Variants in PPFIA2 observed in about 807,000 individuals in gnomAD.
PPFIA2 encodes PPFI scaffold protein A2, also known as liprin-alpha-2.
Under a neutral mutation model 175.5 loss-of-function variants are expected in PPFIA2, and 46 were observed. The ratio of observed to expected loss-of-function variants is 0.26; its 90% CI spans 0.21 to 0.34. The LOEUF (loss-of-function observed/expected upper bound fraction) is 0.34. Ranked by LOEUF, PPFIA2 falls within the 10% of genes least tolerant of loss-of-function variation. PPFIA2 has a pLI of 1.00. For missense variants in PPFIA2, 1,179 were observed against 1,506.1 expected, an observed-to-expected ratio of 0.78 and a Z score of 3.60; for synonymous variants, 568 against 511.4, an observed-to-expected ratio of 1.11 and a Z score of -1.49.
chr12:81,389,332 C>A (rs569649092), intron 8 of PPFIA2, among the ~76,000 whole-genome samples: 1 of 151,754 alleles, frequency 6.6e-6, no homozygotes, highest in South Asian at 2.1e-4. Context: ...AAGAAAATTG[C>A]ATACTTTTAA....
intron 4 of PPFIA2, among the ~76,000 whole-genome samples, chr12:81,486,911 T>C (rs1593797965): frequency 6.6e-6 from 1 of 151,910 alleles, no homozygotes; most frequent in African/African-American, 2.4e-5. Context: ...TGAAAACATA[T>C]GCCAATCAAC....
intron 28 of PPFIA2, among the ~76,000 whole-genome samples, chr12:81,276,868 A>T (rs551042742): frequency 1.3e-5 from 2 of 152,262 alleles, no homozygotes; most frequent in East Asian, 3.9e-4. Context: ...TCACCATATA[A>T]TTTCTTTAAC....
At chr12:81,631,857 T>G (rs1279368478) in intron 4 of PPFIA2, among the ~76,000 whole-genome samples, 2 of 152,218 alleles carry the variant, frequency 1.3e-5, no homozygotes, top group Non-Finnish European at 2.9e-5. Context: ...TAATGTGTGA[T>G]GTAGTGGCAT....
chr12:81,606,653 T>C (rs2060353593), intron 4 of PPFIA2, among the ~76,000 whole-genome samples: 1 of 152,162 alleles, frequency 6.6e-6, no homozygotes, highest in Non-Finnish European at 1.5e-5. Context: ...TGCCCATTTT[T>C]AATGAGGTTA....
chr12:81,416,915 C>T (rs1169297296), intron 7 of PPFIA2, among the ~76,000 whole-genome samples: 1 of 151,672 alleles, frequency 6.6e-6, no homozygotes, highest in African/African-American at 2.4e-5. Context: ...AAGCAGGAAA[C>T]ATGCTCTGTG....
chr12:81,610,809 C>CA (rs749725793), intron 4 of PPFIA2, among the ~76,000 whole-genome samples: 1 of 152,098 alleles, frequency 6.6e-6, no homozygotes, highest in Non-Finnish European at 1.5e-5. Flanking sequence ...TTTGAATTGT[C>CA]AAGAGTTCCG....
chr12:81,509,507 G>A (rs1469225025), intron 4 of PPFIA2, among the ~76,000 whole-genome samples: 2 of 151,998 alleles, frequency 1.3e-5, no homozygotes, highest in African/African-American at 2.4e-5. Flanking sequence ...TAGGGGCCTT[G>A]GTGCCCTTGA....
chr12:81,569,132 T>C (rs886826710), intron 4 of PPFIA2, among the ~76,000 whole-genome samples: 3 of 152,184 alleles, frequency 2.0e-5, no homozygotes, highest in African/African-American at 7.2e-5. Flanking sequence ...ATAATATTGC[T>C]GAAAATTTAA....
At chr12:81,398,349 A>G (rs910666066) in intron 8 of PPFIA2, among the ~76,000 whole-genome samples, 4 of 152,152 alleles carry the variant, frequency 2.6e-5, no homozygotes, top group African/African-American at 7.2e-5. Context: ...CCTCATGCTC[A>G]GTCTAATAAA....
chr12:81,709,527 C>A (rs1264301076), intron 3 of PPFIA2, among the ~76,000 whole-genome samples: 2 of 151,978 alleles, frequency 1.3e-5, no homozygotes, highest in Non-Finnish European at 2.9e-5. Context: ...CACACATACA[C>A]ACACACATAG....
intron 4 of PPFIA2, among the ~76,000 whole-genome samples, chr12:81,585,057 A>T (rs1452156512): frequency 6.5e-4 from 78 of 119,354 alleles, no homozygotes; most frequent in East Asian, 3.9e-3. Context: ...ATATTATATA[A>T]TTATATAATA....
At chr12:81,433,307 C>T (rs1440669669) in intron 7 of PPFIA2, among the ~76,000 whole-genome samples, 1 of 152,162 alleles carries the variant, frequency 6.6e-6, no homozygotes, top group Non-Finnish European at 1.5e-5. Context: ...TACTCAAATG[C>T]TGTCTTTTTA....
At chr12:81,737,312 C>G (rs2081730568) in intron 3 of PPFIA2, among the ~76,000 whole-genome samples, 1 of 151,886 alleles carries the variant, frequency 6.6e-6, no homozygotes, top group South Asian at 2.1e-4. Context: ...ATGAATCTTC[C>G]TCACTTGGAG....
intron 3 of PPFIA2, among the ~76,000 whole-genome samples, chr12:81,689,641 C>G (rs1330126230): frequency 6.6e-6 from 1 of 151,980 alleles, no homozygotes; most frequent in Non-Finnish European, 1.5e-5. Context: ...TCTTGTTCTC[C>G]TTTTCATCCA....
intron 4 of PPFIA2, among the ~76,000 whole-genome samples, chr12:81,467,872 C>T (rs747640798): frequency 2.0e-5 from 3 of 152,114 alleles, no homozygotes; most frequent in Admixed American, 1.3e-4. Context: ...ATTCCCTGAC[C>T]CAGGTGGGAA....
chr12:81,259,532 C>T lies in PPFIA2; in HGVS notation c.*162G>A, dbSNP rs1424053278. ...GTAATATCTGACTCCCCCCAAAAAT[C>T]ACATTTTTCAGCTTTTAATAAGTCA... On this transcript the variant is annotated 3_prime_UTR_variant, in exon 33 of 33. Coordinates refer to ENST00000549396, the MANE Select transcript of PPFIA2 (RefSeq NM_003625.5). 6 of 1,164,556 alleles carry T rather than the reference C, an allele frequency of 5.2e-6. No individual in the cohort carries two copies. The highest frequency in any genetic ancestry group is 7.3e-6 in the Non-Finnish European group (6 of 822,402). 72.1% of individuals were successfully genotyped at this position (1,164,556 alleles called of 1,614,324 possible).
chr12:81,617,884 C>A (rs2061568093), intron 4 of PPFIA2, among the ~76,000 whole-genome samples: 1 of 152,092 alleles, frequency 6.6e-6, no homozygotes, highest in Non-Finnish European at 1.5e-5. Context: ...TGCAGAAAAA[C>A]ATGTAAAAAG....
intron 4 of PPFIA2, among the ~76,000 whole-genome samples, chr12:81,675,927 TA>T: frequency 6.6e-6 from 1 of 152,030 alleles, no homozygotes; most frequent in East Asian, 1.9e-4. Context: ...TGATGAAAAT[TA>T]GATAACACCG....
At chr12:81,467,328 G>A (rs1037311749) in intron 4 of PPFIA2, among the ~76,000 whole-genome samples, 7 of 152,114 alleles carry the variant, frequency 4.6e-5, no homozygotes, top group Admixed American at 3.9e-4. Context: ...TAATGTTAAT[G>A]TATATAAGGG....
Sources: gnomAD v4.1 joint callset for allele counts (sites outside exome capture counted in the v4.1 genomes callset) on GRCh38, gnomAD v4.1.1 for gene constraint, MANE v1.5 for transcripts, NCBI Gene and HGNC (gene_info 2026-07-23, HGNC 2026-07-21) for gene names.